The following FILIP1L variants were observed in gnomAD, a reference collection of about 807,000 sequenced individuals.
The protein encoded by FILIP1L is filamin A-interacting protein 1-like.
FILIP1L carries 55 observed loss-of-function variants against 96.6 expected under a neutral mutation model. The ratio of observed to expected loss-of-function variants is 0.57; its 90% CI spans 0.46 to 0.71. FILIP1L has a LOEUF of 0.71. Among genes scored for constraint, FILIP1L ranks in the 30% least tolerant of loss-of-function variants. The pLI, the probability that FILIP1L is intolerant of heterozygous loss-of-function variation, is 0.00. For missense variants in FILIP1L, 1,304 were observed against 1,321.2 expected (o/e 0.99, Z 0.20); for synonymous variants, 467 against 473.9 (o/e 0.99, Z 0.19).
intron 1 of FILIP1L, among the ~76,000 whole-genome samples, chr3:100,006,816 A>G (rs1710001944): frequency 6.6e-6 from 1 of 152,250 alleles, no homozygotes; most frequent in Non-Finnish European, 1.5e-5. Flanking sequence ...GTAAACAAGC[A>G]TTCTTGATGG....
chr3:100,026,205 CCT>C (rs1435077347), intron 1 of FILIP1L, among the ~76,000 whole-genome samples: 3 of 151,980 alleles, frequency 2.0e-5, no homozygotes, highest in African/African-American at 7.3e-5. Context: ...CTTTTTATGG[CCT>C]GTTTTAAAAT....
At position 99,984,817 on chromosome 3, in the gene FILIP1L, A is replaced by G. The variant is rs1709283428; in HGVS notation, c.-10-53787T>C. ...ATAAAATCAAGGATCATATTCAGCT[A>G]ATGTTTATTGAGTACATTCTTTGTT... On this transcript the variant is annotated intron_variant, in intron 1 of 5. Transcript: ENST00000477258. Among the ~76,000 whole-genome samples the G allele has an allele frequency of 2.6e-5, 4 of 152,210 alleles. No homozygotes were observed. The South Asian group carries it at 8.3e-4, about 32-fold the overall frequency.
At chr3:99,851,445 C>T in intron 4 of FILIP1L, among the ~76,000 whole-genome samples, 1 of 152,214 alleles carries the variant, frequency 6.6e-6, no homozygotes, top group Admixed American at 6.5e-5. Flanking sequence ...CGACCCTACT[C>T]TTACCAACTA....
intron 1 of FILIP1L, among the ~76,000 whole-genome samples, chr3:100,098,935 A>G (rs1009783757): frequency 6.6e-6 from 1 of 152,216 alleles, no homozygotes; most frequent in Non-Finnish European, 1.5e-5. Flanking sequence ...ATTATAAATA[A>G]TGCCAGTTAA....
intron 1 of FILIP1L, among the ~76,000 whole-genome samples, chr3:99,965,041 T>A (rs142798498): frequency 0.012 from 1,881 of 152,346 alleles, 30 homozygotes; most frequent in African/African-American, 0.042. Flanking sequence ...AAATAAATTA[T>A]GATACCTTAT....
Position 100,099,179 on chromosome 3 carries a change from A to AT in FILIP1L, c.-11+14873dup, listed in dbSNP as rs777905779. ...AGAGAATACAATACTGGATTTCTGC[A>AT]TTTTTTAGTTTTGAAATTGACTTAA... On this transcript the variant is annotated intron_variant, in intron 1 of 5. Coordinates refer to ENST00000477258, the MANE Select transcript of FILIP1L (RefSeq NM_001387850.1). Among the ~76,000 whole-genome samples the AT allele has an allele frequency of 2.6e-5, 4 of 152,272 alleles. No individual in the cohort carries two copies. In the East Asian group the frequency reaches 7.7e-4, roughly 29 times the overall value.
intron 1 of FILIP1L, among the ~76,000 whole-genome samples, chr3:100,032,310 GTTATTTTGA>G (rs2065035232): frequency 1.3e-5 from 2 of 152,174 alleles, no homozygotes; most frequent in African/African-American, 4.8e-5. Flanking sequence ...TTCCAGATTG[GTTATTTTGA>G]TTTACTCTCT....
chr3:99,869,930 C>CAGTG (rs779493313), intron 4 of FILIP1L, among the ~76,000 whole-genome samples: 2 of 152,194 alleles, frequency 1.3e-5, no homozygotes, highest in East Asian at 1.9e-4. Context: ...GCTTTAGATA[C>CAGTG]AGTGATTTGG....
chr3:99,976,618 T>C (rs1484142675), intron 1 of FILIP1L, among the ~76,000 whole-genome samples: 1 of 152,188 alleles, frequency 6.6e-6, no homozygotes, highest in Non-Finnish European at 1.5e-5. Flanking sequence ...AATTTTTATC[T>C]TTGTTCCTCT....
Position 99,848,695 on chromosome 3 carries a change from G to A in FILIP1L, c.2981C>T (p.Thr994Ile). 1.2e-6 allele frequency: 2 copies of A among 1,614,194 alleles called. No homozygotes were observed. The highest frequency in any genetic ancestry group is 8.5e-7 in the Non-Finnish European group (1 of 1,180,036). ...AATAGGGGACATTGTCCTTTCTGGA[G>A]TTAGAGAACCACAAGACTCTGGGGT... is the stretch of plus-strand genomic sequence containing the variant. Reference protein sequence around the residue: ...AQTPESCGSLTPERTMSPIQV... With the variant: ...AQTPESCGSLIPERTMSPIQV... Residue 994 changes from threonine to isoleucine, a missense_variant, in exon 5 of 6, where the codon ACT becomes ATT. Coordinates refer to ENST00000477258, the MANE Select transcript of FILIP1L (RefSeq NM_001387850.1).
rs1161722375 is a variant in FILIP1L at position 99,830,378 on chromosome 3, G to A, written c.*36C>T. The A allele has an allele frequency of 1.3e-5, 5 of 377,806 alleles. No individual in the cohort carries two copies. The highest frequency in any genetic ancestry group is 1.5e-4 in the East Asian group (2 of 13,652). The allele number at this position is 377,806 out of a possible 1,614,324, so 23.4% of individuals were successfully genotyped here. The stretch of plus-strand genomic sequence containing the variant: ...TAATTTTAGCTTTCCACATATTTCT[G>A]TAGATGAATGTATCCAGGCAGTGCA... On this transcript the variant is annotated 3_prime_UTR_variant, in exon 6 of 6. Transcript: ENST00000477258.
At chr3:100,103,227 T>G (rs1444457361) in intron 1 of FILIP1L, among the ~76,000 whole-genome samples, 1 of 152,178 alleles carries the variant, frequency 6.6e-6, no homozygotes, top group Admixed American at 6.5e-5. Flanking sequence ...AGAAGCCCAC[T>G]CAGACCATGG....
chr3:99,830,641 G>C (rs1325816606), intron 5 of FILIP1L, 36 bp from the exon 6 acceptor site: 1 of 454,518 alleles, frequency 2.2e-6, no homozygotes. Flanking sequence ...GTAATTAATG[G>C]TACAGTTGGT....
At chr3:99,953,807 C>G (rs1248642394) in intron 1 of FILIP1L, among the ~76,000 whole-genome samples, 2 of 152,172 alleles carry the variant, frequency 1.3e-5, no homozygotes, top group Non-Finnish European at 2.9e-5. Context: ...AATTAGCTAG[C>G]TTATTCAGTT....
At chr3:99,973,593 G>A (rs1241336317) in intron 1 of FILIP1L, among the ~76,000 whole-genome samples, 1 of 152,044 alleles carries the variant, frequency 6.6e-6, no homozygotes, top group African/African-American at 2.4e-5. Context: ...CCTCCCTTCA[G>A]ATCTTATAGA....
Position 99,829,697 on chromosome 3 carries a change from G to C in FILIP1L, c.*717C>G, listed in dbSNP as rs552203507. Reference sequence around the variant, plus strand: ...GAGATATGAATAAACAATGTCCTGTGAGATGATAAATTCTGTATTTTTTCA... The same window carrying C: ...GAGATATGAATAAACAATGTCCTGTCAGATGATAAATTCTGTATTTTTTCA... On this transcript the variant is annotated 3_prime_UTR_variant, in exon 6 of 6. Coordinates refer to ENST00000477258, the MANE Select transcript of FILIP1L (RefSeq NM_001387850.1). 1.3e-5 allele frequency among the ~76,000 whole-genome samples: 2 copies of C among 152,290 alleles called. No individual in the cohort carries two copies. The highest frequency in any genetic ancestry group is 3.9e-4 in the East Asian group (2 of 5,178).
chr3:99,839,392 A>G (rs1027207396), intron 5 of FILIP1L, among the ~76,000 whole-genome samples: 2 of 152,204 alleles, frequency 1.3e-5, no homozygotes, highest in Admixed American at 6.5e-5. Flanking sequence ...TTGAGGAATG[A>G]AGGAAGCCTG....
At chr3:100,053,102 A>G (rs1197971117) in intron 1 of FILIP1L, among the ~76,000 whole-genome samples, 1 of 152,068 alleles carries the variant, frequency 6.6e-6, no homozygotes. Flanking sequence ...CTGTGCCTTT[A>G]TCTCTTAAAC....
intron 1 of FILIP1L, among the ~76,000 whole-genome samples, chr3:100,084,193 G>A (rs552258276): frequency 7.2e-5 from 11 of 152,248 alleles, no homozygotes; most frequent in South Asian, 2.1e-4. Context: ...CAAAAGCTCC[G>A]TATTGTTATT....
Sources: allele counts gnomAD v4.1 joint callset (sites outside exome capture counted in the v4.1 genomes callset), GRCh38; gene constraint gnomAD v4.1.1; transcripts MANE v1.5; gene names NCBI Gene and HGNC (gene_info 2026-07-23, HGNC 2026-07-21).